Variants in DERA observed in about 807,000 individuals in gnomAD.
DERA encodes deoxyribose-phosphate aldolase.
Under a neutral mutation model 41.1 loss-of-function variants are expected in DERA, and 15 were observed. That is an observed-to-expected ratio of 0.37 (90% CI 0.24 to 0.56). The LOEUF is 0.56. Ranked by LOEUF, DERA falls within the 20% of genes least tolerant of loss-of-function variation. The pLI is 0.81. For synonymous variants in DERA, 139 were observed against 137.4 expected, an observed-to-expected ratio of 1.01 and a Z score of -0.08; for missense variants, 396 against 403.4, an observed-to-expected ratio of 0.98 and a Z score of 0.16.
chr12:15,976,948 G>A lies in DERA; in HGVS notation c.509-5360G>A, dbSNP rs1480792139. Among the ~76,000 whole-genome samples the A allele has an allele frequency of 6.6e-6, 1 of 152,026 alleles. No individual in the cohort carries two copies. The highest frequency in any genetic ancestry group is 6.6e-5 in the Admixed American group (1 of 15,262). ...CCCTGGTTTTCTTCCCATCCAGGGG[G>A]CTAAAAGAGCAATTTAGAGATCATT... On this transcript the variant is annotated intron_variant, in intron 5 of 8. Transcript: ENST00000428559. The surrounding 1 kb of genome is among the most constrained non-coding windows in gnomAD (Gnocchi z 4.1).
intron 7 of DERA, among the ~76,000 whole-genome samples, chr12:16,034,575 G>A (rs934644302): frequency 3.9e-5 from 6 of 152,136 alleles, no homozygotes; most frequent in African/African-American, 1.4e-4. Flanking sequence ...GCAGCCTTTC[G>A]GGTTGCTTGA....
Position 15,941,265 on chromosome 12 carries a change from C to T in DERA, c.32-15671C>T, listed in dbSNP as rs534294514. 5.3e-5 allele frequency among the ~76,000 whole-genome samples: 8 copies of T among 152,146 alleles called. No individual in the cohort carries two copies. Among genetic ancestry groups the T allele is most frequent in the Admixed American group, 2.0e-4 (3 of 15,276 alleles). The stretch of plus-strand genomic sequence containing the variant: ...GTCTCTTGCATGATTGAGCTCAGGC[C>T]GGGGCTCAACTAGCTGCTATAGCAA... On this transcript the variant is annotated intron_variant, in intron 1 of 8. Transcript: ENST00000428559. The surrounding 1 kb of genome is among the most constrained non-coding windows in gnomAD (Gnocchi z 4.5).
chr12:15,977,405 C>T lies in DERA; in HGVS notation c.509-4903C>T, dbSNP rs753791933. On this transcript the variant is annotated intron_variant, in intron 5 of 8. Transcript: ENST00000428559. ...CTCCTCCTCTCTGTTCTATAACTGACCCACAGTAAGATTTGGAGCAAGTCA... is the reference window on the plus strand; with the variant it reads ...CTCCTCCTCTCTGTTCTATAACTGATCCACAGTAAGATTTGGAGCAAGTCA... 4.2e-4 allele frequency among the ~76,000 whole-genome samples: 64 copies of T among 152,256 alleles called. 1 individual carries two copies. The highest frequency in any genetic ancestry group is 2.9e-3 in the Admixed American group (45 of 15,286).
chr12:15,961,738 G>A (rs540190857), intron 4 of DERA, among the ~76,000 whole-genome samples: 2 of 152,182 alleles, frequency 1.3e-5, no homozygotes, highest in East Asian at 3.9e-4. Flanking sequence ...CAGACCTAAG[G>A]AATTTTTTTA....
rs1948570538 is a variant in DERA at position 15,959,870 on chromosome 12, T to C, written c.319T>C (p.Cys107Arg). Reference sequence around the variant, plus strand: ...CGTTTGTGTTTATCCCGCCCGGGTGTGTGATGCTGTAAAAGCACTCAAGGC... The same window carrying C: ...CGTTTGTGTTTATCCCGCCCGGGTGCGTGATGCTGTAAAAGCACTCAAGGC... ...AAVCVYPARV[C>R]DAVKALKAAG... Residue 107 changes from cysteine to arginine, a missense_variant, in exon 4 of 9, where the codon TGT (cysteine) becomes CGT (arginine). Physicochemically the swap from Cys to Arg is radical, Grantham distance 180. Transcript: ENST00000428559. The surrounding 1 kb of genome is among the most constrained non-coding windows in gnomAD (Gnocchi z 4.5). 3.9e-6 allele frequency: 6 copies of C among 1,551,752 alleles called. No individual in the cohort carries two copies. The African/African-American group carries it at 5.5e-5, about 14-fold the overall frequency.
chr12:16,032,998 T>C (rs7971686), intron 7 of DERA: 209,539 of 229,066 alleles, frequency 0.91, 96,476 homozygotes, highest in Non-Finnish European at 0.96. Context: ...TCTCACAAGG[T>C]GTTGGCCAGT....
intron 6 of DERA, among the ~76,000 whole-genome samples, chr12:15,991,028 G>A (rs902734729): frequency 2.0e-5 from 3 of 152,044 alleles, no homozygotes; most frequent in African/African-American, 4.8e-5. Flanking sequence ...TTGAGGAATC[G>A]CCATATTGTT....
rs532773778 is a variant in DERA, at chr12:15,974,299, A to G, written c.509-8009A>G. Among the ~76,000 whole-genome samples, 67 of 152,336 alleles carry G rather than the reference A, an allele frequency of 4.4e-4. 1 individual carries two copies. In the South Asian group the frequency reaches 0.014, roughly 31 times the overall value. ...TGTTCAGATTTTGCAGATTGTCCCA[A>G]TAGTGTTCTTTATTAGGTGTAGTAT... On this transcript the variant is annotated intron_variant, in intron 5 of 8. Coordinates refer to ENST00000428559, the MANE Select transcript of DERA (RefSeq NM_015954.4).
chr12:15,960,987 AG>A, intron 4 of DERA, among the ~76,000 whole-genome samples: 1 of 152,342 alleles, frequency 6.6e-6, no homozygotes, highest in Non-Finnish European at 1.5e-5. Context: ...AGAATTGCAG[AG>A]GGGATCCATG....
intron 6 of DERA, among the ~76,000 whole-genome samples, chr12:16,016,807 A>G (rs1482967281): frequency 6.6e-6 from 1 of 151,182 alleles, no homozygotes; most frequent in Admixed American, 6.6e-5. Context: ...AAAAAAAAAA[A>G]AAAAAAAAAA....
rs1948369717 is a variant in DERA at position 15,936,892 on chromosome 12, TGTCCTGTCCTGTCC to T, written c.32-20043_32-20030del. 7.9e-6 allele frequency among the ~76,000 whole-genome samples: 1 copy of T among 126,674 alleles called. No individual in the cohort carries two copies. The highest frequency in any genetic ancestry group is 1.6e-5 in the Non-Finnish European group (1 of 60,870). The allele number at this position is 126,674 out of a possible 152,430, so 83.1% of individuals were successfully genotyped here. On this transcript the variant is annotated intron_variant, in intron 1 of 8. Coordinates refer to ENST00000428559, the MANE Select transcript of DERA (RefSeq NM_015954.4). The surrounding 1 kb of genome is among the most constrained non-coding windows in gnomAD (Gnocchi z 4.6). ...TGTCTTGTCTTGTCTTGTCTTGTCCTGTCCTGTCCTGTCCTGTCCTGTCCTGTCCTGTCCTGTCC... is the reference window on the plus strand; with the variant it reads ...TGTCTTGTCTTGTCTTGTCTTGTCCTTGTCCTGTCCTGTCCTGTCCTGTCC...
chr12:15,953,569 G>A (rs1478809710), intron 1 of DERA, among the ~76,000 whole-genome samples: 1 of 152,038 alleles, frequency 6.6e-6, no homozygotes, highest in East Asian at 1.9e-4. Flanking sequence ...TTTTTTCATT[G>A]GAGAATTTTA....
intron 1 of DERA, among the ~76,000 whole-genome samples, chr12:15,934,119 C>A (rs1201697190): frequency 6.6e-6 from 1 of 152,092 alleles, no homozygotes; most frequent in Non-Finnish European, 1.5e-5. Flanking sequence ...ACTGTGAATC[C>A]AGTAATGGCC....
chr12:15,949,353 C>T (rs113291415), intron 1 of DERA, among the ~76,000 whole-genome samples: 1,943 of 152,228 alleles, frequency 0.013, 52 homozygotes, highest in African/African-American at 0.045. Context: ...ACACCCAGTT[C>T]GAGCTTCCCA....
rs149583406 is a variant in DERA, at chr12:15,952,296, T to C, written c.32-4640T>C. ...TGGATCTTGGTGTCATTTCCAACAGTGCTGCCACACATACGTTTTCATGTT... is the reference window on the plus strand; with the variant it reads ...TGGATCTTGGTGTCATTTCCAACAGCGCTGCCACACATACGTTTTCATGTT... On this transcript the variant is annotated intron_variant, in intron 1 of 8. Transcript: ENST00000428559. Among the ~76,000 whole-genome samples, 187 of 152,350 alleles carry C rather than the reference T, an allele frequency of 1.2e-3. 1 individual carries two copies. Among genetic ancestry groups the C allele is most frequent in the African/African-American group, 4.4e-3 (184 of 41,576 alleles).
rs117446984 is a variant in DERA at position 15,920,458 on chromosome 12, C to T, written c.31+9044C>T. ...TTCCACTAGTTTACCATGAGCTTGG[C>T]TGGGCTCTGACCCTGCCTTAGAATC... On this transcript the variant is annotated intron_variant, in intron 1 of 8. Coordinates refer to ENST00000428559, the MANE Select transcript of DERA (RefSeq NM_015954.4). Among the ~76,000 whole-genome samples, 655 of 152,296 alleles carry T rather than the reference C, an allele frequency of 4.3e-3. 3 individuals carry two copies. The highest frequency in any genetic ancestry group is 0.012 in the South Asian group (60 of 4,826).
chr12:15,929,951 A>C (rs1948315475), intron 1 of DERA, among the ~76,000 whole-genome samples: 1 of 152,190 alleles, frequency 6.6e-6, no homozygotes, highest in African/African-American at 2.4e-5. Context: ...TTGGACTTTC[A>C]GTGAGACTGA....
chr12:15,956,136 C>G (rs1948536552), intron 1 of DERA, among the ~76,000 whole-genome samples: 1 of 152,164 alleles, frequency 6.6e-6, no homozygotes, highest in African/African-American at 2.4e-5. Context: ...ACCAGGAATC[C>G]TTGATGAATT....
chr12:15,916,001 GAGTCAAAT>G (rs1372398492), intron 1 of DERA: 1 of 152,246 alleles, frequency 6.6e-6, no homozygotes, highest in Non-Finnish European at 1.5e-5. Flanking sequence ...GATGTCAGAA[GAGTCAAAT>G]AGATAACTGG....
Sources: gnomAD v4.1 joint callset for allele counts (sites outside exome capture counted in the v4.1 genomes callset) on GRCh38, gnomAD v4.1.1 for gene constraint, Gnocchi (gnomAD v3.1) non-coding constraint, MANE v1.5 for transcripts, NCBI Gene and HGNC (gene_info 2026-07-23, HGNC 2026-07-21) for gene names.